ATXN7L1: variants seen among roughly 807,000 people sequenced by gnomAD.
ATXN7L1 encodes the protein ataxin-7-like protein 1.
In ATXN7L1, 15 loss-of-function variants were observed where a neutral mutation model predicts 70.8. The ratio of observed to expected loss-of-function variants is 0.21; its 90% CI spans 0.14 to 0.33. ATXN7L1 has a LOEUF of 0.33. Among genes scored for constraint, ATXN7L1 ranks in the 10% least tolerant of loss-of-function variants. The pLI is 1.00. For synonymous variants in ATXN7L1, 440 were observed against 445.1 expected (o/e 0.99, Z 0.14); for missense variants, 975 against 1,097.1 (o/e 0.89, Z 1.57).
intron 2 of ATXN7L1, among the ~76,000 whole-genome samples, chr7:105,845,040 AC>A (rs1813774512): frequency 6.6e-6 from 1 of 151,928 alleles, no homozygotes; most frequent in Non-Finnish European, 1.5e-5. Flanking sequence ...CCCTGTCTCT[AC>A]CAAAAATACA....
chr7:105,843,235 C>T (rs1034131048), intron 2 of ATXN7L1, among the ~76,000 whole-genome samples: 3 of 152,226 alleles, frequency 2.0e-5, no homozygotes, highest in African/African-American at 4.8e-5. Context: ...AAAGCTTCCA[C>T]ATCTAGCTGG....
intron 2 of ATXN7L1, among the ~76,000 whole-genome samples, chr7:105,810,089 A>T (rs1808213575): frequency 6.6e-6 from 1 of 152,208 alleles, no homozygotes; most frequent in African/African-American, 2.4e-5. Flanking sequence ...CATTCTCTTG[A>T]ACATAACACC....
At chr7:105,791,502 C>G (rs755927199) in intron 2 of ATXN7L1, among the ~76,000 whole-genome samples, 5 of 152,186 alleles carry the variant, frequency 3.3e-5, no homozygotes, top group Non-Finnish European at 7.3e-5. Flanking sequence ...GGAGATGACC[C>G]TTCTTGGGCC....
At chr7:105,770,240 A>G (rs527803746) in intron 3 of ATXN7L1, among the ~76,000 whole-genome samples, 4 of 152,380 alleles carry the variant, frequency 2.6e-5, no homozygotes, top group African/African-American at 9.6e-5. Flanking sequence ...GCCAAGAGCA[A>G]TAGCTATTTA....
At position 105,746,267 on chromosome 7, in the gene ATXN7L1, C is replaced by T. The variant is rs116081168; in HGVS notation, c.355+42337G>A. Among the ~76,000 whole-genome samples the T allele has an allele frequency of 5.2e-3, 797 of 152,322 alleles. 11 individuals carry two copies. Among genetic ancestry groups the T allele is most frequent in the African/African-American group, 0.017 (727 of 41,568 alleles). On this transcript the variant is annotated intron_variant, in intron 3 of 11. Coordinates refer to ENST00000419735, the MANE Select transcript of ATXN7L1 (RefSeq NM_020725.2). ...TACACTGTATTGCCTACCCAACAAC[C>T]GCAGTGAGCATGTCTCTCTCTGGCT...
chr7:105,834,423 TCTC>T, intron 2 of ATXN7L1, among the ~76,000 whole-genome samples: 2 of 152,282 alleles, frequency 1.3e-5, no homozygotes, highest in Non-Finnish European at 2.9e-5. Flanking sequence ...ACTTAACCAG[TCTC>T]CTATCTTTGG....
chr7:105,688,758 G>C (rs1790327965), intron 3 of ATXN7L1, among the ~76,000 whole-genome samples: 1 of 152,178 alleles, frequency 6.6e-6, no homozygotes, highest in South Asian at 2.1e-4. Flanking sequence ...CTGATAACTG[G>C]CAGTCTGCCT....
chr7:105,812,994 C>T (rs1808646563), intron 2 of ATXN7L1, among the ~76,000 whole-genome samples: 3 of 152,088 alleles, frequency 2.0e-5, no homozygotes, highest in South Asian at 4.1e-4. Context: ...AGAGTGAGAC[C>T]CTGTCTCAAA....
chr7:105,640,416 G>A (rs1023831789), intron 5 of ATXN7L1, among the ~76,000 whole-genome samples: 1 of 152,238 alleles, frequency 6.6e-6, no homozygotes, highest in Admixed American at 6.5e-5. Context: ...CAGCTTGTGC[G>A]GAGGTTACTT....
intron 3 of ATXN7L1, among the ~76,000 whole-genome samples, chr7:105,687,709 A>G (rs1790127613): frequency 6.6e-6 from 1 of 152,212 alleles, no homozygotes. Context: ...TCACTAGATC[A>G]GGGAGAAAAA....
At chr7:105,641,216 T>A (rs10239697) in intron 5 of ATXN7L1, among the ~76,000 whole-genome samples, 2 of 14,674 alleles carry the variant, frequency 1.4e-4, no homozygotes, top group Non-Finnish European at 2.1e-4. Context: ...CTCTCTCTCT[T>A]TTTTTTTTTT....
At chr7:105,620,014 C>G (rs965105191) in intron 9 of ATXN7L1, among the ~76,000 whole-genome samples, 186 bp downstream of exon 9, 1 of 152,172 alleles carries the variant, frequency 6.6e-6, no homozygotes, top group Non-Finnish European at 1.5e-5. Flanking sequence ...ACACATCATT[C>G]GTGTTTCTCA....
intron 10 of ATXN7L1, among the ~76,000 whole-genome samples, chr7:105,611,124 T>C (rs1418298288): frequency 6.6e-6 from 1 of 152,192 alleles, no homozygotes; most frequent in Non-Finnish European, 1.5e-5. Context: ...TTTAGGAAAA[T>C]AGCACGATGG....
chr7:105,720,003 T>C (rs954594772), intron 3 of ATXN7L1, among the ~76,000 whole-genome samples: 2 of 152,200 alleles, frequency 1.3e-5, no homozygotes, highest in Non-Finnish European at 2.9e-5. Flanking sequence ...TTTAAACGTC[T>C]CTGGCCCCTT....
chr7:105,841,780 T>TG (rs1813247191), intron 2 of ATXN7L1, among the ~76,000 whole-genome samples: 1 of 152,208 alleles, frequency 6.6e-6, no homozygotes, highest in Non-Finnish European at 1.5e-5. Context: ...AATTAAACTA[T>TG]CACAGTATGT....
At chr7:105,761,937 C>T (rs573981982) in intron 3 of ATXN7L1, among the ~76,000 whole-genome samples, 21 of 152,198 alleles carry the variant, frequency 1.4e-4, no homozygotes, top group Non-Finnish European at 2.8e-4. Context: ...GTTTGATTAG[C>T]TTATTCCCTG....
intron 2 of ATXN7L1, among the ~76,000 whole-genome samples, chr7:105,861,346 A>G (rs1265158834): frequency 6.6e-6 from 1 of 152,108 alleles, no homozygotes; most frequent in Non-Finnish European, 1.5e-5. Flanking sequence ...GAAGATACAG[A>G]CAGGAAGACC....
chr7:105,671,281 CA>C (rs34689804), intron 3 of ATXN7L1, among the ~76,000 whole-genome samples: 4,142 of 129,850 alleles, frequency 0.032, 195 homozygotes, highest in African/African-American at 0.1. Context: ...GACTCCGTCT[CA>C]AAAAAAAAAA....
intron 3 of ATXN7L1, among the ~76,000 whole-genome samples, chr7:105,737,186 A>T (rs1797475625): frequency 6.6e-6 from 1 of 152,180 alleles, no homozygotes; most frequent in Non-Finnish European, 1.5e-5. Flanking sequence ...TTTCCTCTAG[A>T]TTTTCAAATG....
Sources: allele counts gnomAD v4.1 joint callset (sites outside exome capture counted in the v4.1 genomes callset), GRCh38; gene constraint gnomAD v4.1.1; transcripts MANE v1.5; gene names NCBI Gene and HGNC (gene_info 2026-07-23, HGNC 2026-07-21).